The following NTRK3 variants were observed in gnomAD, a reference collection of about 807,000 sequenced individuals.
NTRK3 encodes NT-3 growth factor receptor.
In NTRK3, 24 loss-of-function variants were observed where a neutral mutation model predicts 91.7. That is an observed-to-expected ratio of 0.26 (90% CI 0.19 to 0.37). The LOEUF (loss-of-function observed/expected upper bound fraction) is 0.37. Ranked by LOEUF, NTRK3 falls within the 10% of genes least tolerant of loss-of-function variation. The pLI is 1.00. For missense variants in NTRK3, 880 were observed against 1,068.9 expected (o/e 0.82, Z 2.46); for synonymous variants, 483 against 404.0 (o/e 1.20, Z -2.34).
At chr15:88,117,655 C>T (rs906735292) in intron 13 of NTRK3, among the ~76,000 whole-genome samples, 8 of 152,226 alleles carry the variant, frequency 5.3e-5, no homozygotes, top group African/African-American at 1.2e-4. Flanking sequence ...ACATTTTTCA[C>T]TGGGCCACAC....
intron 18 of NTRK3, 22 bp downstream of exon 19, chr15:87,880,248 T>G (rs2065170742): frequency 1.2e-6 from 2 of 1,613,826 alleles, no homozygotes; most frequent in Non-Finnish European, 1.7e-6. Flanking sequence ...CCAATCAAGA[T>G]TCCTACGCAC....
At chr15:88,244,528 G>A (rs543012808) in intron 3 of NTRK3, among the ~76,000 whole-genome samples, 1 of 150,590 alleles carries the variant, frequency 6.6e-6, no homozygotes, top group Non-Finnish European at 1.5e-5. Flanking sequence ...GCTGAATCAA[G>A]CTGGTTTGCC....
At chr15:87,955,543 A>G (rs1409044620) in intron 14 of NTRK3, among the ~76,000 whole-genome samples, 3 of 152,366 alleles carry the variant, frequency 2.0e-5, no homozygotes, top group African/African-American at 7.2e-5. Context: ...TCACATTGGC[A>G]TAGAGAACCC....
intron 8 of NTRK3, 46 bp from the exon 9 acceptor site, chr15:88,136,086 G>A: frequency 1.2e-6 from 2 of 1,610,254 alleles, no homozygotes; most frequent in Non-Finnish European, 1.7e-6. Context: ...CTTCTACAAG[G>A]ATGGCTCTGC....
chr15:88,186,145 A>G (rs143280462), intron 3 of NTRK3, among the ~76,000 whole-genome samples: 1 of 152,228 alleles, frequency 6.6e-6, no homozygotes, highest in Non-Finnish European at 1.5e-5. Flanking sequence ...TAAATTACCA[A>G]GTAGATCACC....
intron 14 of NTRK3, among the ~76,000 whole-genome samples, chr15:87,962,256 T>G (rs569062143): frequency 6.6e-6 from 1 of 152,340 alleles, no homozygotes; most frequent in Admixed American, 6.5e-5. Context: ...TCATCTGCTC[T>G]GCTGTCTAAA....
chr15:88,205,240 C>T (rs933422573), intron 3 of NTRK3, among the ~76,000 whole-genome samples: 1 of 152,154 alleles, frequency 6.6e-6, no homozygotes, highest in African/African-American at 2.4e-5. Context: ...GCCTTAGTGT[C>T]CGTGTGGGGT....
chr15:87,931,991 T>C (rs1280279392), intron 16 of NTRK3, among the ~76,000 whole-genome samples: 1 of 152,244 alleles, frequency 6.6e-6, no homozygotes, highest in East Asian at 1.9e-4. Context: ...TTTAACCTGC[T>C]TCCTGGGGCC....
At chr15:87,989,128 T>A (rs2141465945) in intron 14 of NTRK3, among the ~76,000 whole-genome samples, 1 of 152,288 alleles carries the variant, frequency 6.6e-6, no homozygotes. Context: ...AGAGATACCA[T>A]TTGATCCAGC....
At chr15:87,946,579 A>G (rs2070524389) in intron 14 of NTRK3, among the ~76,000 whole-genome samples, 1 of 152,064 alleles carries the variant, frequency 6.6e-6, no homozygotes, top group African/African-American at 2.4e-5. Flanking sequence ...GTCCCCTGCC[A>G]CCACCAGCAG....
chr15:87,947,058 T>C (rs554675503), intron 14 of NTRK3, among the ~76,000 whole-genome samples: 1 of 152,140 alleles, frequency 6.6e-6, no homozygotes, highest in East Asian at 1.9e-4. Flanking sequence ...TTTGTACTTT[T>C]AGTAGAGATG....
chr15:88,222,531 T>G (rs557419403), intron 3 of NTRK3, among the ~76,000 whole-genome samples: 1 of 152,316 alleles, frequency 6.6e-6, no homozygotes, highest in Non-Finnish European at 1.5e-5. Context: ...ATGGAGCACA[T>G]TTCTAGAACA....
At chr15:87,882,883 T>G (rs1163358031) in intron 17 of NTRK3, among the ~76,000 whole-genome samples, 1 of 151,654 alleles carries the variant, frequency 6.6e-6, no homozygotes, top group Admixed American at 6.6e-5. Flanking sequence ...AAGCACAAAA[T>G]GAAAATGAAG....
intron 15 of NTRK3, among the ~76,000 whole-genome samples, chr15:87,938,886 A>G (rs1230982939): frequency 2.0e-5 from 3 of 152,332 alleles, no homozygotes; most frequent in South Asian, 2.1e-4. Context: ...AGGCACACTG[A>G]GCAAGTTTAT....
intron 17 of NTRK3, among the ~76,000 whole-genome samples, chr15:87,882,030 G>T (rs997175405): frequency 6.6e-6 from 1 of 151,950 alleles, no homozygotes; most frequent in Non-Finnish European, 1.5e-5. Flanking sequence ...TGAGTAGCTG[G>T]GATTATAGGC....
chr15:88,053,767 G>A (rs1032686881), intron 13 of NTRK3, among the ~76,000 whole-genome samples: 2 of 152,222 alleles, frequency 1.3e-5, no homozygotes, highest in South Asian at 4.1e-4. Flanking sequence ...GCCAGGGCTA[G>A]ATAAATATTA....
At chr15:88,148,107 C>T (rs1356536315) in intron 5 of NTRK3, among the ~76,000 whole-genome samples, 2 of 152,208 alleles carry the variant, frequency 1.3e-5, no homozygotes, top group Non-Finnish European at 2.9e-5. Flanking sequence ...GAACAATGTA[C>T]TCATCTACTG....
At chr15:87,987,707 A>G (rs2074944611) in intron 14 of NTRK3, among the ~76,000 whole-genome samples, 2 of 151,916 alleles carry the variant, frequency 1.3e-5, no homozygotes, top group Admixed American at 6.6e-5. Flanking sequence ...AATGTATTCA[A>G]ATGTATTCAC....
At chr15:87,944,178 G>A (rs1202480691) in intron 14 of NTRK3, among the ~76,000 whole-genome samples, 2 of 152,200 alleles carry the variant, frequency 1.3e-5, no homozygotes, top group African/African-American at 2.4e-5. Context: ...GGAAAGGACT[G>A]GTTCCTCATC....
Sources: allele counts gnomAD v4.1 joint callset (sites outside exome capture counted in the v4.1 genomes callset), GRCh38; gene constraint gnomAD v4.1.1; transcripts MANE v1.5; gene names NCBI Gene and HGNC (gene_info 2026-07-23, HGNC 2026-07-21).